Variants in CD44 observed in about 807,000 individuals in gnomAD.
The protein encoded by CD44 is CD44 molecule (IN blood group).
A neutral mutation model predicts 88.8 loss-of-function variants in CD44; 49 were observed. The observed-to-expected ratio is 0.55, with a 90% CI of 0.44 to 0.70. CD44 has a LOEUF of 0.70. Among genes scored for constraint, CD44 ranks in the 30% least tolerant of loss-of-function variants. The pLI is 0.00. For synonymous variants in CD44, 325 were observed against 312.3 expected, an observed-to-expected ratio of 1.04 and a Z score of -0.43; for missense variants, 883 against 913.8, an observed-to-expected ratio of 0.97 and a Z score of 0.43.
chr11:35,199,541 A>G (rs1046024185), intron 7 of CD44, among the ~76,000 whole-genome samples: 7 of 152,200 alleles, frequency 4.6e-5, no homozygotes, highest in Non-Finnish European at 1.0e-4. Context: ...TGGACAGAGA[A>G]GAAAGGGTCC....
chr11:35,185,428 A>G (rs955409815), intron 3 of CD44, among the ~76,000 whole-genome samples: 12 of 152,218 alleles, frequency 7.9e-5, no homozygotes, highest in Non-Finnish European at 1.6e-4. Flanking sequence ...GCTCCCAGGT[A>G]CTAGGAAGCA....
intron 11 of CD44, among the ~76,000 whole-genome samples, chr11:35,206,935 C>G (rs929188654): frequency 1.3e-5 from 2 of 152,270 alleles, no homozygotes; most frequent in Non-Finnish European, 2.9e-5. Context: ...AATATTAATT[C>G]TATGTACTGA....
intron 1 of CD44, among the ~76,000 whole-genome samples, chr11:35,166,012 T>C (rs1943224565): frequency 6.6e-6 from 1 of 152,178 alleles, no homozygotes; most frequent in African/African-American, 2.4e-5. Flanking sequence ...TTAGGTGATG[T>C]ATCAGTCATT....
At chr11:35,199,011 C>T (rs988260112) in intron 7 of CD44, among the ~76,000 whole-genome samples, 1 of 151,264 alleles carries the variant, frequency 6.6e-6, no homozygotes, top group Non-Finnish European at 1.5e-5. Context: ...AATTGAAGGC[C>T]CTAAAGGCTT....
intron 1 of CD44, among the ~76,000 whole-genome samples, chr11:35,158,225 G>C (rs1942158341): frequency 6.6e-6 from 1 of 152,188 alleles, no homozygotes; most frequent in African/African-American, 2.4e-5. Flanking sequence ...GGGTCTCTCA[G>C]AACCAGCTTT....
intron 1 of CD44, among the ~76,000 whole-genome samples, chr11:35,148,871 T>G (rs1859734149): frequency 6.6e-6 from 1 of 152,242 alleles, no homozygotes; most frequent in Non-Finnish European, 1.5e-5. Context: ...TTCTTTTTCT[T>G]CATTTTTTTT....
In CD44 at chr11:35,198,324, C is replaced by G. The variant is rs1026897655; in HGVS notation, c.922+78C>G. 4 of 1,374,254 alleles carry G rather than the reference C, an allele frequency of 2.9e-6. No homozygotes were observed. The African/African-American group carries it at 5.7e-5, about 20-fold the overall frequency. The allele number at this position is 1,374,254 out of a possible 1,614,324, so 85.1% of individuals were successfully genotyped here. On this transcript the variant is annotated intron_variant, in intron 7 of 17. Coordinates refer to ENST00000428726, the MANE Select transcript of CD44 (RefSeq NM_000610.4). The stretch of plus-strand genomic sequence containing the variant: ...CTGAGTGATACCAAATTGTATCTCT[C>G]TTGAGAAGTAGTTAATGTGAAAAAT...
At chr11:35,224,432 T>A (rs80349100) in intron 17 of CD44, among the ~76,000 whole-genome samples, 1,902 of 152,278 alleles carry the variant, frequency 0.012, 114 homozygotes, top group Admixed American at 0.091. Context: ...CAGAGAAGAT[T>A]TTCCTTTAAA....
At chr11:35,205,765 T>G in intron 10 of CD44, 1 of 995,156 alleles carries the variant, frequency 1.0e-6, no homozygotes, top group African/African-American at 1.7e-5. Context: ...GCACTCGGGC[T>G]TTTATACTTC....
chr11:35,213,115 C>T (rs550340847), intron 14 of CD44, among the ~76,000 whole-genome samples: 23 of 152,262 alleles, frequency 1.5e-4, no homozygotes, highest in East Asian at 5.8e-4. Flanking sequence ...TGAGCCACCA[C>T]GCCCAGCCAT....
rs1481202835 is a variant in CD44, at chr11:35,227,457, AT to A, written c.2025-1670del. ...CGCCTTGGCCTCCCAAAGTGCTGGG[AT>A]TACAGGAGTGAACCACTGCACCTGG... On this transcript the variant is annotated intron_variant, in intron 17 of 17. Transcript: ENST00000428726. 7.2e-5 allele frequency among the ~76,000 whole-genome samples: 11 copies of A among 152,288 alleles called. No individual in the cohort carries two copies. The East Asian group carries it at 2.1e-3, about 29-fold the overall frequency.
rs1270547522 is a variant in CD44 at position 35,229,707 on chromosome 11, G to A, written c.*374G>A. On this transcript the variant is annotated 3_prime_UTR_variant, in exon 18 of 18. Coordinates refer to ENST00000428726, the MANE Select transcript of CD44 (RefSeq NM_000610.4). ...ACATTTCCCAGGGTTAATAGGGCCT[G>A]GTCCCTGGGAGGAAATTTGAATGGG... 3 of 203,922 alleles carry A rather than the reference G, an allele frequency of 1.5e-5. No homozygotes were observed. Among genetic ancestry groups the A allele is most frequent in the Non-Finnish European group, 3.0e-5 (3 of 98,942 alleles). 12.6% of individuals were successfully genotyped at this position (203,922 alleles called of 1,614,324 possible).
At chr11:35,150,949 T>C (rs1446683851) in intron 1 of CD44, among the ~76,000 whole-genome samples, 1 of 152,242 alleles carries the variant, frequency 6.6e-6, no homozygotes, top group African/African-American at 2.4e-5. Flanking sequence ...ACCTAGTTTC[T>C]GTCCTCAGGG....
intron 3 of CD44, among the ~76,000 whole-genome samples, chr11:35,185,724 T>A (rs934886524): frequency 2.0e-5 from 3 of 152,200 alleles, no homozygotes; most frequent in African/African-American, 7.2e-5. Context: ...ATAAAAGCTG[T>A]AATGCACAAA....
chr11:35,146,656 C>T (rs1410268993), intron 1 of CD44, among the ~76,000 whole-genome samples: 1 of 152,204 alleles, frequency 6.6e-6, no homozygotes, highest in Non-Finnish European at 1.5e-5. Flanking sequence ...GGCCATGCAG[C>T]TGATAAGTGA....
At chr11:35,169,964 C>T (rs1423415942) in intron 1 of CD44, among the ~76,000 whole-genome samples, 2 of 152,176 alleles carry the variant, frequency 1.3e-5, no homozygotes, top group African/African-American at 4.8e-5. Context: ...GTTTCCTCAT[C>T]TCTAAAATGG....
intron 1 of CD44, among the ~76,000 whole-genome samples, chr11:35,155,774 A>G (rs1024468998): frequency 4.6e-5 from 7 of 152,198 alleles, no homozygotes; most frequent in African/African-American, 1.7e-4. Flanking sequence ...TACGAACCTG[A>G]ATGAGCATTT....
At chr11:35,193,403 A>G (rs1177538137) in intron 5 of CD44, among the ~76,000 whole-genome samples, 2 of 152,238 alleles carry the variant, frequency 1.3e-5, no homozygotes, top group Non-Finnish European at 2.9e-5. Context: ...AGCTGTTGGC[A>G]TTTTATATAG....
chr11:35,155,419 C>G (rs1941723436), intron 1 of CD44, among the ~76,000 whole-genome samples: 1 of 152,154 alleles, frequency 6.6e-6, no homozygotes, highest in South Asian at 2.1e-4. Context: ...GAAGGCAAAG[C>G]TAAGTTTTTG....
Sources: allele counts gnomAD v4.1 joint callset (sites outside exome capture counted in the v4.1 genomes callset), GRCh38; gene constraint gnomAD v4.1.1; transcripts MANE v1.5; gene names NCBI Gene and HGNC (gene_info 2026-07-23, HGNC 2026-07-21).